SIPA1L1: variants seen among roughly 807,000 people sequenced by gnomAD.
SIPA1L1 encodes the protein signal induced proliferation associated 1 like 1.
Under a neutral mutation model 162.7 loss-of-function variants are expected in SIPA1L1, and 26 were observed. The ratio of observed to expected loss-of-function variants is 0.16; its 90% CI spans 0.12 to 0.22. SIPA1L1 has a LOEUF of 0.22. Among genes scored for constraint, SIPA1L1 ranks in the 10% least tolerant of loss-of-function variants. The pLI is 1.00. For missense variants in SIPA1L1, 1,874 were observed against 2,241.0 expected (o/e 0.84, Z 3.31); for synonymous variants, 829 against 837.4 (o/e 0.99, Z 0.17).
intron 13 of SIPA1L1, among the ~76,000 whole-genome samples, chr14:71,686,522 AGTC>A (rs2080875649): frequency 1.3e-5 from 2 of 152,172 alleles, no homozygotes; most frequent in African/African-American, 4.8e-5. Context: ...GTCTGCTAGA[AGTC>A]ATCAACTTCT....
chr14:71,501,698 C>T (rs1456274962), intron 2 of SIPA1L1, among the ~76,000 whole-genome samples: 2 of 151,958 alleles, frequency 1.3e-5, no homozygotes, highest in African/African-American at 2.4e-5. Flanking sequence ...AGAATTTGTA[C>T]GTTTCAGTTT....
At position 71,649,139 on chromosome 14, in the gene SIPA1L1, G is replaced by A. The variant is rs2042411179; in HGVS notation, c.1819-1196G>A. Reference sequence around the variant, plus strand: ...TGGTTGTAATGACACTCTGGAAATAGGATTAAGTGATAAGAATTGTCCCAA... The same window carrying A: ...TGGTTGTAATGACACTCTGGAAATAAGATTAAGTGATAAGAATTGTCCCAA... On this transcript the variant is annotated intron_variant, in intron 7 of 23. Coordinates refer to ENST00000381232, the MANE Select transcript of SIPA1L1 (RefSeq NM_001386936.1). 2.0e-5 allele frequency among the ~76,000 whole-genome samples: 3 copies of A among 151,760 alleles called. No homozygotes were observed. In the South Asian group the frequency reaches 6.2e-4, roughly 32 times the overall value.
chr14:71,615,057 A>G (rs1475753417), intron 5 of SIPA1L1, among the ~76,000 whole-genome samples: 3 of 152,222 alleles, frequency 2.0e-5, no homozygotes, highest in Admixed American at 1.3e-4. Flanking sequence ...TCAATATCCA[A>G]AGTAAACACT....
intron 12 of SIPA1L1, among the ~76,000 whole-genome samples, chr14:71,681,217 C>G (rs1217047152): frequency 1.3e-5 from 2 of 152,244 alleles, no homozygotes; most frequent in Middle Eastern, 3.4e-3. Context: ...GCAGGAATTG[C>G]CTGATTCTCA....
At chr14:71,695,393 G>A (rs2081548696) in intron 13 of SIPA1L1, among the ~76,000 whole-genome samples, 1 of 152,132 alleles carries the variant, frequency 6.6e-6, no homozygotes, top group South Asian at 2.1e-4. Flanking sequence ...TTCGCTTTGG[G>A]ATAACTCCAG....
chr14:71,614,708 T>A (rs1197449647), intron 5 of SIPA1L1, among the ~76,000 whole-genome samples: 1 of 152,204 alleles, frequency 6.6e-6, no homozygotes, highest in African/African-American at 2.4e-5. Flanking sequence ...TAGTTTATAA[T>A]TATCCCATCA....
At chr14:71,440,122 T>TCTCC (rs2044717519) in intron 2 of SIPA1L1, among the ~76,000 whole-genome samples, 1 of 152,102 alleles carries the variant, frequency 6.6e-6, no homozygotes, top group Admixed American at 6.6e-5. Flanking sequence ...GCCTCCCAGG[T>TCTCC]TGAAGCAATT....
chr14:71,417,646 G>C (rs149101409), intron 2 of SIPA1L1, among the ~76,000 whole-genome samples: 1 of 151,980 alleles, frequency 6.6e-6, no homozygotes, highest in African/African-American at 2.4e-5. Context: ...TCCAGTGGCA[G>C]AGGTGGAGGA....
intron 2 of SIPA1L1, among the ~76,000 whole-genome samples, chr14:71,461,069 C>T (rs908485374): frequency 6.6e-6 from 1 of 152,186 alleles, no homozygotes; most frequent in Non-Finnish European, 1.5e-5. Context: ...ATAAGGCATT[C>T]CATGAGTCTA....
intron 2 of SIPA1L1, among the ~76,000 whole-genome samples, chr14:71,431,117 T>G (rs926282279): frequency 1.3e-5 from 2 of 152,228 alleles, no homozygotes; most frequent in Admixed American, 1.3e-4. Context: ...CGATATGCTT[T>G]TAGCATGTTA....
At chr14:71,560,946 A>C (rs1300014780) in intron 4 of SIPA1L1, among the ~76,000 whole-genome samples, 2 of 152,180 alleles carry the variant, frequency 1.3e-5, no homozygotes, top group African/African-American at 2.4e-5. Context: ...GATAGCAAAT[A>C]CTGTGTTTTA....
At chr14:71,409,159 C>T (rs534111478) in intron 2 of SIPA1L1, among the ~76,000 whole-genome samples, 1 of 152,238 alleles carries the variant, frequency 6.6e-6, no homozygotes, top group South Asian at 2.1e-4. Context: ...TAGTTTTGCC[C>T]ATTTGGGCTC....
At chr14:71,386,609 GAAGGA>G (rs1220199848) in intron 2 of SIPA1L1, among the ~76,000 whole-genome samples, 2 of 152,174 alleles carry the variant, frequency 1.3e-5, no homozygotes, top group African/African-American at 2.4e-5. Flanking sequence ...AACAAAGGGA[GAAGGA>G]AAGGGAAGGG....
chr14:71,620,989 A>G (rs1050318310), intron 6 of SIPA1L1, among the ~76,000 whole-genome samples: 1 of 152,084 alleles, frequency 6.6e-6, no homozygotes. Context: ...TGACAACTCT[A>G]TTACTGTATT....
intron 2 of SIPA1L1, among the ~76,000 whole-genome samples, chr14:71,420,419 C>G (rs1482973761): frequency 6.6e-6 from 1 of 152,216 alleles, no homozygotes; most frequent in Non-Finnish European, 1.5e-5. Flanking sequence ...ACCCATCTAT[C>G]TGTCTACTAA....
chr14:71,470,446 A>G (rs1437807383), intron 2 of SIPA1L1, among the ~76,000 whole-genome samples: 2 of 152,226 alleles, frequency 1.3e-5, no homozygotes, highest in Non-Finnish European at 2.9e-5. Flanking sequence ...GGGGCATTGC[A>G]AGAAGCCACC....
chr14:71,427,317 G>C (rs942185989), intron 2 of SIPA1L1, among the ~76,000 whole-genome samples: 1 of 151,938 alleles, frequency 6.6e-6, no homozygotes, highest in Admixed American at 6.6e-5. Context: ...CTGGTTGATA[G>C]GTTTGTTTGT....
At chr14:71,450,056 TAAAAAA>T in intron 2 of SIPA1L1, among the ~76,000 whole-genome samples, 1 of 152,260 alleles carries the variant, frequency 6.6e-6, no homozygotes, top group Middle Eastern at 3.4e-3. Context: ...AAATAAAACT[TAAAAAA>T]TAAAAATTAT....
At chr14:71,482,424 A>C (rs1204044143) in intron 2 of SIPA1L1, among the ~76,000 whole-genome samples, 1 of 152,176 alleles carries the variant, frequency 6.6e-6, no homozygotes, top group African/African-American at 2.4e-5. Flanking sequence ...CAACCAAGGA[A>C]AGAATGGGAA....
Sources: allele counts gnomAD v4.1 joint callset (sites outside exome capture counted in the v4.1 genomes callset), GRCh38; gene constraint gnomAD v4.1.1; transcripts MANE v1.5; gene names NCBI Gene and HGNC (gene_info 2026-07-23, HGNC 2026-07-21).